The following GRAMD2B variants were observed in gnomAD, a reference collection of about 807,000 sequenced individuals.
The protein encoded by GRAMD2B is GRAM domain-containing protein 2B.
Under a neutral mutation model 59.2 loss-of-function variants are expected in GRAMD2B, and 41 were observed. The ratio of observed to expected loss-of-function variants is 0.69; its 90% confidence interval spans 0.54 to 0.90. The LOEUF is 0.90. GRAMD2B is among the 40% of genes least tolerant of loss of function. The pLI, the probability that GRAMD2B is intolerant of heterozygous loss-of-function variation, is 0.00. For synonymous variants in GRAMD2B, 161 were observed against 182.7 expected, an observed-to-expected ratio of 0.88 and a Z score of 0.96; for missense variants, 424 against 500.5, an observed-to-expected ratio of 0.85 and a Z score of 1.46.
intron 1 of GRAMD2B, among the ~76,000 whole-genome samples, chr5:126,387,437 C>G (rs1756260078): frequency 6.6e-6 from 1 of 151,682 alleles, no homozygotes; most frequent in African/African-American, 2.4e-5. Context: ...TGTCTCTGGG[C>G]TTAGTTTATT....
intron 1 of GRAMD2B, among the ~76,000 whole-genome samples, chr5:126,462,742 A>T (rs1469779585): frequency 6.6e-6 from 1 of 152,170 alleles, no homozygotes; most frequent in African/African-American, 2.4e-5. Flanking sequence ...AATTAATTAG[A>T]TGCCTAGTGA....
chr5:126,474,596 G>C (rs1173646588), intron 5 of GRAMD2B, among the ~76,000 whole-genome samples: 3 of 152,162 alleles, frequency 2.0e-5, no homozygotes, highest in Admixed American at 2.0e-4. Flanking sequence ...TGATCAATGT[G>C]ATATAGTTCT....
chr5:126,396,712 C>T (rs957029953), intron 1 of GRAMD2B, among the ~76,000 whole-genome samples: 7 of 152,204 alleles, frequency 4.6e-5, no homozygotes, highest in Admixed American at 1.3e-4. Flanking sequence ...ATTGGTAGGT[C>T]GAATGGTATT....
upstream of GRAMD2B, among the ~76,000 whole-genome samples, chr5:126,370,988 G>T (rs1754719271): frequency 6.6e-6 from 1 of 152,206 alleles, no homozygotes; most frequent in Non-Finnish European, 1.5e-5. Context: ...GTCATTTCCT[G>T]CGTGAGTACA....
chr5:126,418,896 G>T (rs1460586038), upstream of GRAMD2B, among the ~76,000 whole-genome samples: 1 of 152,144 alleles, frequency 6.6e-6, no homozygotes, highest in African/African-American at 2.4e-5. Context: ...GGTCTGAGAA[G>T]TGTTCCTGGA....
rs535230439 is a variant in GRAMD2B at position 126,430,793 on chromosome 5, C to G, written c.83+7104C>G. ...CCTTATACTTTGTAACAATAAACAT[C>G]TGTTGAATGTTGACTAAGTGACATT... is the stretch of plus-strand genomic sequence containing the variant. On this transcript the variant is annotated intron_variant, in intron 1 of 13. Coordinates refer to ENST00000285689, the MANE Select transcript of GRAMD2B (RefSeq NM_023927.4). Among the ~76,000 whole-genome samples, 194 of 152,300 alleles carry G rather than the reference C, an allele frequency of 1.3e-3. 1 individual carries two copies. Among genetic ancestry groups the G allele is most frequent in the South Asian group, 4.3e-3 (21 of 4,830 alleles).
chr5:126,391,103 G>C (rs774571769), intron 1 of GRAMD2B, among the ~76,000 whole-genome samples: 2 of 151,884 alleles, frequency 1.3e-5, no homozygotes, highest in Non-Finnish European at 2.9e-5. Context: ...AAAAGCATGA[G>C]TGACAAAAAA....
At chr5:126,460,061 T>C (rs1027727256) in intron 1 of GRAMD2B, among the ~76,000 whole-genome samples, 4 of 152,178 alleles carry the variant, frequency 2.6e-5, no homozygotes, top group Non-Finnish European at 5.9e-5. Flanking sequence ...ATCCTTACGA[T>C]GTAACTTTAT....
At chr5:126,406,903 A>G (rs535490575) in intron 1 of GRAMD2B, among the ~76,000 whole-genome samples, 40 of 152,166 alleles carry the variant, frequency 2.6e-4, no homozygotes, top group Admixed American at 8.5e-4. Context: ...AAGTTTGAAT[A>G]CAAATTCTGT....
intron 1 of GRAMD2B, among the ~76,000 whole-genome samples, chr5:126,453,348 G>GAAAAA (rs35983190): frequency 4.7e-5 from 6 of 128,194 alleles, no homozygotes; most frequent in African/African-American, 1.2e-4. Context: ...CATCTTAAAA[G>GAAAAA]AAAAAAAAAA....
chr5:126,402,088 G>C (rs1282030647), intron 1 of GRAMD2B, among the ~76,000 whole-genome samples: 1 of 152,170 alleles, frequency 6.6e-6, no homozygotes, highest in East Asian at 1.9e-4. Context: ...CCTAGGTAGG[G>C]AGGCCCAGCT....
chr5:126,468,736 C>T (rs1378177486), intron 2 of GRAMD2B, among the ~76,000 whole-genome samples: 7 of 152,142 alleles, frequency 4.6e-5, no homozygotes. Flanking sequence ...GGTCCGCCCA[C>T]CTTGACCTCC....
upstream of GRAMD2B, among the ~76,000 whole-genome samples, chr5:126,418,742 T>A (rs1474249172): frequency 6.6e-6 from 1 of 152,244 alleles, no homozygotes; most frequent in Non-Finnish European, 1.5e-5. Flanking sequence ...GCCATTCAGA[T>A]AATGCTTCTC....
At chr5:126,383,996 G>C (rs1755887994) in intron 1 of GRAMD2B, among the ~76,000 whole-genome samples, 1 of 152,098 alleles carries the variant, frequency 6.6e-6, no homozygotes, top group East Asian at 1.9e-4. Context: ...AGGACAACGA[G>C]GGAGATCCAC....
At chr5:126,483,377 C>A in intron 8 of GRAMD2B, 86 bp from the exon 9 acceptor site, 1 of 751,914 alleles carries the variant, frequency 1.3e-6, no homozygotes, top group South Asian at 1.6e-5. Context: ...ATAGGTCAGG[C>A]CTAGGTGAAA....
At chr5:126,364,959 A>G (rs1009288757) in intron 1 of GRAMD2B, among the ~76,000 whole-genome samples, 4 of 152,196 alleles carry the variant, frequency 2.6e-5, no homozygotes, top group East Asian at 3.8e-4. Context: ...TTTGAAGGGT[A>G]AGGCCTCTTG....
chr5:126,378,322 AT>A (rs542268971), intron 1 of GRAMD2B, among the ~76,000 whole-genome samples: 20 of 152,388 alleles, frequency 1.3e-4, no homozygotes, highest in African/African-American at 4.3e-4. Context: ...GCTATAAATT[AT>A]AAAAAAATAT....
At chr5:126,462,324 T>A in intron 1 of GRAMD2B, 1 of 695,322 alleles carries the variant, frequency 1.4e-6, no homozygotes, top group Non-Finnish European at 1.8e-6. Context: ...CTTAAAAGTT[T>A]CCAAAAGGCC....
chr5:126,403,692 T>C (rs1175145613), intron 1 of GRAMD2B, among the ~76,000 whole-genome samples: 4 of 151,972 alleles, frequency 2.6e-5, no homozygotes, highest in Non-Finnish European at 4.4e-5. Context: ...GTAATTTTAT[T>C]CAAAACCTTC....
Sources: gnomAD v4.1 joint callset for allele counts (sites outside exome capture counted in the v4.1 genomes callset) on GRCh38, gnomAD v4.1.1 for gene constraint, MANE v1.5 for transcripts, NCBI Gene and HGNC (gene_info 2026-07-23, HGNC 2026-07-21) for gene names.